NCAM2: variants seen among roughly 807,000 people sequenced by gnomAD.
The protein encoded by NCAM2 is N-CAM-2.
A neutral mutation model predicts 98.1 loss-of-function variants in NCAM2; 30 were observed. That is an observed-to-expected ratio of 0.31 (90% CI 0.23 to 0.41). The LOEUF (loss-of-function observed/expected upper bound fraction) is 0.41, where lower values mean the gene tolerates loss of function less well. Among genes scored for constraint, NCAM2 ranks in the 10% least tolerant of loss-of-function variants. The pLI, the probability that NCAM2 is intolerant of heterozygous loss-of-function variation, is 1.00. For synonymous variants in NCAM2, 368 were observed against 342.4 expected, an observed-to-expected ratio of 1.07 and a Z score of -0.83; for missense variants, 867 against 1,005.8, an observed-to-expected ratio of 0.86 and a Z score of 1.87.
At chr21:21,295,469 G>A (rs1053249626) in intron 5 of NCAM2, among the ~76,000 whole-genome samples, 8 of 151,766 alleles carry the variant, frequency 5.3e-5, no homozygotes, top group African/African-American at 9.7e-5. Flanking sequence ...GAAGTATGGC[G>A]CCTCCAAAGG....
At chr21:21,490,202 A>C (rs992137162) in intron 15 of NCAM2, among the ~76,000 whole-genome samples, 4 of 152,000 alleles carry the variant, frequency 2.6e-5, no homozygotes, top group African/African-American at 9.7e-5. Context: ...CATCTGTATT[A>C]GCTAATATTC....
intron 1 of NCAM2, among the ~76,000 whole-genome samples, chr21:21,266,044 G>A (rs765438516): frequency 6.6e-5 from 10 of 151,934 alleles, no homozygotes; most frequent in East Asian, 5.8e-4. Context: ...TCAGTGATAC[G>A]GTAATAGTCA....
intron 1 of NCAM2, among the ~76,000 whole-genome samples, chr21:21,172,815 G>A (rs1005253596): frequency 3.9e-5 from 6 of 151,932 alleles, no homozygotes; most frequent in African/African-American, 1.2e-4. Flanking sequence ...TAAAATTTAC[G>A]GACATCTGTA....
intron 1 of NCAM2, among the ~76,000 whole-genome samples, chr21:21,214,820 A>G (rs1349982529): frequency 6.8e-6 from 1 of 147,984 alleles, no homozygotes; most frequent in African/African-American, 2.5e-5. Flanking sequence ...TGTATCGAAT[A>G]TATGTATATA....
Position 21,507,655 on chromosome 21 carries a change from G to A in NCAM2, c.2078-1196G>A, listed in dbSNP as rs564997225. ...AAAAACACAAAAAAATTACCCAGGT[G>A]CAGTGGCGCCTGTAGTCTCAGCTAC... On this transcript the variant is annotated intron_variant, in intron 15 of 17. Transcript: ENST00000400546. Among the ~76,000 whole-genome samples the A allele has an allele frequency of 3.3e-5, 5 of 151,738 alleles. 1 individual carries two copies. The highest frequency in any genetic ancestry group is 1.2e-4 in the African/African-American group (5 of 41,406).
At position 21,208,126 on chromosome 21, in the gene NCAM2, T is replaced by G. The variant is rs1175159886; in HGVS notation, c.56-72452T>G. 3.3e-5 allele frequency among the ~76,000 whole-genome samples: 5 copies of G among 152,282 alleles called. No homozygotes were observed. In the East Asian group the frequency reaches 9.6e-4, roughly 29 times the overall value. On this transcript the variant is annotated intron_variant, in intron 1 of 17. Transcript: ENST00000400546. The stretch of plus-strand genomic sequence containing the variant: ...TGCTGTGTTAGATCATAAGCCCCTT[T>G]GAAGTTAATTACAATCAGTTGCTAG...
intron 1 of NCAM2, among the ~76,000 whole-genome samples, chr21:21,123,698 A>G (rs540486923): frequency 1.3e-5 from 2 of 152,230 alleles, no homozygotes; most frequent in Admixed American, 6.5e-5. Flanking sequence ...AGTAAATTAG[A>G]GGAGGTAATA....
intron 1 of NCAM2, among the ~76,000 whole-genome samples, chr21:21,259,293 C>T (rs2071799862): frequency 1.3e-5 from 2 of 152,132 alleles, no homozygotes; most frequent in Admixed American, 6.5e-5. Flanking sequence ...GTGGTAGCCA[C>T]CAGAGGGGCA....
intron 1 of NCAM2, among the ~76,000 whole-genome samples, chr21:21,230,071 A>G (rs548738125): frequency 2.0e-4 from 30 of 151,420 alleles, no homozygotes; most frequent in African/African-American, 7.0e-4. Flanking sequence ...TAGGCATATA[A>G]ATTTTATGGA....
At chr21:21,163,751 G>A (rs2067862950) in intron 1 of NCAM2, among the ~76,000 whole-genome samples, 1 of 152,158 alleles carries the variant, frequency 6.6e-6, no homozygotes, top group South Asian at 2.1e-4. Flanking sequence ...AATGTTAAAA[G>A]AGAAATCACC....
chr21:21,324,240 C>T, intron 5 of NCAM2, 143 bp from the exon 6 acceptor site: 1 of 571,658 alleles, frequency 1.7e-6, no homozygotes, highest in Middle Eastern at 4.8e-4. Flanking sequence ...AGTTATTTTA[C>T]TGTGAAACCA....
At chr21:21,266,290 A>C (rs1361104524) in intron 1 of NCAM2, among the ~76,000 whole-genome samples, 2 of 152,066 alleles carry the variant, frequency 1.3e-5, no homozygotes, top group African/African-American at 2.4e-5. Context: ...GTATTCCTAA[A>C]TTATTTAAGT....
At chr21:21,477,858 A>G (rs1385392989) in intron 15 of NCAM2, among the ~76,000 whole-genome samples, 1 of 152,186 alleles carries the variant, frequency 6.6e-6, no homozygotes, top group Non-Finnish European at 1.5e-5. Context: ...ACCGAAGGTA[A>G]TGATGAGCCA....
chr21:21,121,072 A>C (rs2066709966), intron 1 of NCAM2, among the ~76,000 whole-genome samples: 1 of 152,086 alleles, frequency 6.6e-6, no homozygotes, highest in Admixed American at 6.5e-5. Flanking sequence ...TGTTCTTTAT[A>C]TCTCTGTTGG....
At chr21:21,323,338 T>A (rs1008139221) in intron 5 of NCAM2, among the ~76,000 whole-genome samples, 4 of 152,132 alleles carry the variant, frequency 2.6e-5, no homozygotes, top group African/African-American at 9.7e-5. Context: ...AGAAACTTGA[T>A]TTATTGTGTT....
chr21:21,127,172 C>T (rs1269996974), intron 1 of NCAM2, among the ~76,000 whole-genome samples: 1 of 151,642 alleles, frequency 6.6e-6, no homozygotes, highest in Non-Finnish European at 1.5e-5. Context: ...ATTATTTAAG[C>T]ATAAAATGAA....
intron 11 of NCAM2, among the ~76,000 whole-genome samples, chr21:21,422,521 A>G (rs561449889): frequency 5.7e-4 from 87 of 152,334 alleles, no homozygotes; most frequent in African/African-American, 2.1e-3. Context: ...AACCCTAAGC[A>G]AGGACTTTCC....
chr21:21,428,755 C>G (rs1023283501), intron 11 of NCAM2, among the ~76,000 whole-genome samples: 2 of 152,076 alleles, frequency 1.3e-5, no homozygotes, highest in African/African-American at 4.8e-5. Flanking sequence ...ACAGAAAAAT[C>G]CAGAAAGTGA....
At chr21:21,407,430 C>T (rs1039572363) in intron 9 of NCAM2, among the ~76,000 whole-genome samples, 1 of 152,168 alleles carries the variant, frequency 6.6e-6, no homozygotes, top group African/African-American at 2.4e-5. Context: ...ACACTGAGAT[C>T]ATCAGGCAAG....
Sources: allele counts gnomAD v4.1 joint callset (sites outside exome capture counted in the v4.1 genomes callset), GRCh38; gene constraint gnomAD v4.1.1; transcripts MANE v1.5; gene names NCBI Gene and HGNC (gene_info 2026-07-23, HGNC 2026-07-21).